The following CEACAM5 variants were observed in gnomAD, a reference collection of about 807,000 sequenced individuals.
The protein encoded by CEACAM5 is cell adhesion molecule CEACAM5.
A neutral mutation model predicts 63.0 loss-of-function variants in CEACAM5; 52 were observed. The observed-to-expected ratio is 0.83, with a 90% CI of 0.66 to 1.04. The LOEUF is 1.04. CEACAM5 is among the 50% of genes least tolerant of loss of function. CEACAM5 has a pLI of 0.00. For missense variants in CEACAM5, 790 were observed against 864.8 expected (o/e 0.91, Z 1.08); for synonymous variants, 357 against 351.3 (o/e 1.02, Z -0.18).
Position 41,726,208 on chromosome 19 carries a change from A to G in CEACAM5, c.2027-1026A>G, listed in dbSNP as rs958825351. ...TATTAGCTTGAAGTTAGGCAGTTCT[A>G]GAGCCAAATCCTAGATCCACTTCTC... is the stretch of plus-strand genomic sequence containing the variant. On this transcript the variant is annotated intron_variant, in intron 8 of 9. Transcript: ENST00000221992. Among the ~76,000 whole-genome samples the G allele has an allele frequency of 5.9e-5, 9 of 152,248 alleles. No individual in the cohort carries two copies. In the East Asian group the frequency reaches 1.7e-3, roughly 29 times the overall value.
At chr19:41,720,324 C>A in intron 7 of CEACAM5, 116 bp downstream of exon 7, 2 of 1,291,594 alleles carry the variant, frequency 1.5e-6, no homozygotes, top group Non-Finnish European at 2.2e-6. Context: ...CCCTGGACAC[C>A]CAGGCTGGCC....
chr19:41,708,661 C>A lies in CEACAM5; in HGVS notation c.-71C>A, dbSNP rs1429505916. 1.5e-6 allele frequency: 2 copies of A among 1,366,944 alleles called. No individual in the cohort carries two copies. The highest frequency in any genetic ancestry group is 2.4e-5 in the East Asian group (1 of 41,572). 84.7% of individuals were successfully genotyped at this position (1,366,944 alleles called of 1,614,324 possible). On this transcript the variant is annotated 5_prime_UTR_variant, in exon 1 of 10. Transcript: ENST00000221992. ...AGGACAGCAGACCAGACAGTCACAG[C>A]AGCCTTGACAAAACGTTCCTGGAAC...
intron 5 of CEACAM5, 119 bp downstream of exon 5, chr19:41,717,852 G>C: frequency 7.5e-7 from 1 of 1,327,982 alleles, no homozygotes; most frequent in Non-Finnish European, 1.0e-6. Context: ...TGGACATCCA[G>C]GCTGGCCCTA....
chr19:41,710,914 C>T (rs10414147), intron 2 of CEACAM5, among the ~76,000 whole-genome samples: 12 of 152,198 alleles, frequency 7.9e-5, no homozygotes, highest in African/African-American at 2.7e-4. Context: ...AGCCAAATAG[C>T]ACTTATCCTA....
intron 2 of CEACAM5, among the ~76,000 whole-genome samples, chr19:41,713,549 T>C (rs781858847): frequency 6.6e-6 from 1 of 152,190 alleles, no homozygotes; most frequent in Non-Finnish European, 1.5e-5. Flanking sequence ...CCTGCATAAC[T>C]GAAACTGCAG....
chr19:41,715,170 T>C lies in CEACAM5; in HGVS notation c.624T>C (p.Asn208=), dbSNP rs1555814690. The part of the protein sequence containing the change: ...RTLTLFNVTR[N]DTASYKCETQ... Reference sequence around the variant, plus strand: ...TCACTCTATTCAATGTCACAAGAAATGACACAGCAAGCTACAAATGTGAAA... The same window carrying C: ...TCACTCTATTCAATGTCACAAGAAACGACACAGCAAGCTACAAATGTGAAA... Residue 208 remains asparagine, a synonymous_variant, in exon 3 of 10, where the codon AAT becomes AAC. Coordinates refer to ENST00000221992, the MANE Select transcript of CEACAM5 (RefSeq NM_004363.6). 6.2e-7 allele frequency: 1 copy of C among 1,614,094 alleles called. No individual in the cohort carries two copies. Among genetic ancestry groups the C allele is most frequent in the South Asian group, 1.1e-5 (1 of 91,082 alleles).
Position 41,708,661 on chromosome 19 carries a change from C to G in CEACAM5, c.-71C>G. ...AGGACAGCAGACCAGACAGTCACAG[C>G]AGCCTTGACAAAACGTTCCTGGAAC... is the stretch of plus-strand genomic sequence containing the variant. On this transcript the variant is annotated 5_prime_UTR_variant, in exon 1 of 10. Coordinates refer to ENST00000221992, the MANE Select transcript of CEACAM5 (RefSeq NM_004363.6). 7.3e-7 allele frequency: 1 copy of G among 1,366,950 alleles called. No individual in the cohort carries two copies. The highest frequency in any genetic ancestry group is 1.0e-6 in the Non-Finnish European group (1 of 971,250). The allele number at this position is 1,366,950 out of a possible 1,614,324, so 84.7% of individuals were successfully genotyped here. A position where few individuals can be genotyped will look rare whatever the true frequency, so the allele number is the denominator to read the frequency against.
At chr19:41,717,192 GC>G (rs1315773035) in intron 4 of CEACAM5, among the ~76,000 whole-genome samples, 3 of 152,374 alleles carry the variant, frequency 2.0e-5, no homozygotes, top group Admixed American at 6.5e-5. Flanking sequence ...GTGACCCCCA[GC>G]CCTGTGTCTG....
intron 3 of CEACAM5, 25 bp from the exon 4 acceptor site, chr19:41,715,625 T>G (rs782122804): frequency 6.8e-6 from 11 of 1,613,536 alleles, no homozygotes; most frequent in Non-Finnish European, 9.3e-6. Flanking sequence ...CAATATCACC[T>G]GTGGCTTTAT....
intron 1 of CEACAM5, 99 bp from the exon 2 acceptor site, chr19:41,709,581 G>A: frequency 2.7e-6 from 4 of 1,469,680 alleles, no homozygotes; most frequent in Non-Finnish European, 3.6e-6. Context: ...CTCACTCCAG[G>A]GCTGGGGGAT....
rs782224739 is a variant in CEACAM5, at chr19:41,715,887, C to T, written c.941C>T (p.Thr314Met). 4.3e-5 allele frequency: 70 copies of T among 1,613,966 alleles called. No homozygotes were observed. The highest frequency in any genetic ancestry group is 5.6e-5 in the Non-Finnish European group (66 of 1,179,960). ...SDTGLNRTTV[T>M]TITVYAEPPK... ...ACTGGCCTCAATAGGACCACAGTCA[C>T]GACGATCACAGTCTATGGTAAGTGG... The change falls in exon 4 of 10, where the codon ACG becomes ATG. Residue 314 changes from threonine to methionine, a missense_variant. Thr to Met is a moderately conservative substitution (Grantham distance 81). Coordinates refer to ENST00000221992, the MANE Select transcript of CEACAM5 (RefSeq NM_004363.6).
chr19:41,717,851 A>T (rs1357197155), intron 5 of CEACAM5, 118 bp downstream of exon 5: 1 of 1,328,416 alleles, frequency 7.5e-7, no homozygotes, highest in African/African-American at 1.5e-5. Context: ...CTGGACATCC[A>T]GGCTGGCCCT....
rs782136127 is a variant in CEACAM5, at chr19:41,715,232, T to C, written c.686T>C (p.Val229Ala). The change falls in exon 3 of 10, where the codon GTC becomes GCC. Residue 229 changes from valine to alanine, a missense_variant. By Grantham distance (64) the Val-to-Ala change is moderately conservative. Transcript: ENST00000221992. ...NPVSARRSDS[V>A]ILNVLYGPDA... is the part of the protein sequence containing the mutation. ...GTGAGTGCCAGGCGCAGTGATTCAGTCATCCTGAATGTCCTCTGTGAGTAT... is the reference window on the plus strand; with the variant it reads ...GTGAGTGCCAGGCGCAGTGATTCAGCCATCCTGAATGTCCTCTGTGAGTAT... 1.9e-6 allele frequency: 3 copies of C among 1,614,202 alleles called. No homozygotes were observed. In the East Asian group the frequency reaches 6.7e-5, roughly 36 times the overall value.
In CEACAM5 at chr19:41,708,648, C is replaced by T. The variant is rs1392517351; in HGVS notation, c.-84C>T. The T allele has an allele frequency of 4.1e-6, 5 of 1,223,532 alleles. No homozygotes were observed. In the African/African-American group the frequency reaches 7.5e-5, roughly 18 times the overall value. 75.8% of individuals were successfully genotyped at this position (1,223,532 alleles called of 1,614,324 possible). A position where few individuals can be genotyped will look rare whatever the true frequency, so the allele number is the denominator to read the frequency against. On this transcript the variant is annotated 5_prime_UTR_variant, in exon 1 of 10. Coordinates refer to ENST00000221992, the MANE Select transcript of CEACAM5 (RefSeq NM_004363.6). ...GGCAGAGGGAGGAAGGACAGCAGACCAGACAGTCACAGCAGCCTTGACAAA... is the reference window on the plus strand; with the variant it reads ...GGCAGAGGGAGGAAGGACAGCAGACTAGACAGTCACAGCAGCCTTGACAAA...
In CEACAM5 at chr19:41,714,981, C is replaced by T. The variant is rs1270981338; in HGVS notation, c.435C>T (p.Pro145=). Residue 145 remains proline (P), a synonymous_variant, in exon 3 of 10, where the codon CCC becomes CCT. Coordinates refer to ENST00000221992, the MANE Select transcript of CEACAM5 (RefSeq NM_004363.6). The part of the protein sequence containing the change: ...TGQFRVYPEL[P]KPSISSNNSK... ...CTGTTATCTGCACAGCGGAGCTGCCCAAGCCCTCCATCTCCAGCAACAACT... is the reference window on the plus strand; with the variant it reads ...CTGTTATCTGCACAGCGGAGCTGCCTAAGCCCTCCATCTCCAGCAACAACT... 2 of 1,614,064 alleles carry T rather than the reference C, an allele frequency of 1.2e-6. No homozygotes were observed. The highest frequency in any genetic ancestry group is 1.7e-6 in the Non-Finnish European group (2 of 1,180,042).
rs782458020 is a variant in CEACAM5 at position 41,721,136 on chromosome 19, T to C, written c.1986T>C (p.Thr662=). Residue 662 remains threonine, a synonymous_variant, in exon 8 of 10, where the codon ACT becomes ACC. Coordinates refer to ENST00000221992, the MANE Select transcript of CEACAM5 (RefSeq NM_004363.6). ...CCTGTTTTGTCTCTAACTTGGCTAC[T>C]GGCCGCAATAATTCCATAGTCAAGA... ...TYACFVSNLA[T]GRNNSIVKSI... is the part of the protein sequence containing the mutation. The C allele has an allele frequency of 1.9e-6, 3 of 1,614,114 alleles. No individual in the cohort carries two copies. In the African/African-American group the frequency reaches 4.0e-5, roughly 22 times the overall value.
rs1241040793 is a variant in CEACAM5 at position 41,730,183 on chromosome 19, C to G, written c.*1036C>G. Among the ~76,000 whole-genome samples, 3 of 152,024 alleles carry G rather than the reference C, an allele frequency of 2.0e-5. No homozygotes were observed. Among genetic ancestry groups the G allele is most frequent in the East Asian group, 3.9e-4 (2 of 5,186 alleles). Reference sequence around the variant, plus strand: ...CGCCTGTAATCCCAGCACTTTGATCCGCCGAGGCGGGCGGATCACGAGGTC... The same window carrying G: ...CGCCTGTAATCCCAGCACTTTGATCGGCCGAGGCGGGCGGATCACGAGGTC... On this transcript the variant is annotated 3_prime_UTR_variant, in exon 10 of 10. Coordinates refer to ENST00000221992, the MANE Select transcript of CEACAM5 (RefSeq NM_004363.6).
chr19:41,708,861 C>G (rs1600450466), intron 1 of CEACAM5, 66 bp downstream of exon 1: 3 of 1,160,110 alleles, frequency 2.6e-6, no homozygotes, highest in Non-Finnish European at 2.5e-6. Flanking sequence ...TAGGACAGGG[C>G]TGTGAGACGG....
intron 8 of CEACAM5, among the ~76,000 whole-genome samples, chr19:41,725,272 T>G (rs2072682970): frequency 6.6e-6 from 1 of 152,206 alleles, no homozygotes; most frequent in African/African-American, 2.4e-5. Context: ...TTCAACAGTT[T>G]GTTGGCATAC....
Sources: gnomAD v4.1 joint callset for allele counts (sites outside exome capture counted in the v4.1 genomes callset) on GRCh38, gnomAD v4.1.1 for gene constraint, MANE v1.5 for transcripts, NCBI Gene and HGNC (gene_info 2026-07-23, HGNC 2026-07-21) for gene names.